The following RERE variants were observed in gnomAD, a reference collection of about 807,000 sequenced individuals.
RERE encodes arginine-glutamic acid dipeptide repeats protein.
RERE carries 40 observed loss-of-function variants against 146.1 expected under a neutral mutation model. The ratio of observed to expected loss-of-function variants is 0.27; its 90% CI spans 0.21 to 0.36. RERE has a LOEUF of 0.36. RERE is among the 10% of genes least tolerant of loss of function. The pLI, the probability that RERE is intolerant of heterozygous loss-of-function variation, is 1.00. For synonymous variants in RERE, 1,003 were observed against 866.0 expected, an observed-to-expected ratio of 1.16 and a Z score of -2.78; for missense variants, 1,933 against 2,138.7, an observed-to-expected ratio of 0.90 and a Z score of 1.90.
At chr1:8,510,532 G>C (rs1219987582) in intron 7 of RERE, among the ~76,000 whole-genome samples, 1 of 152,194 alleles carries the variant, frequency 6.6e-6, no homozygotes, top group African/African-American at 2.4e-5. Flanking sequence ...GGAAGAAGCT[G>C]TTTTAGGAGG....
intron 1 of RERE, among the ~76,000 whole-genome samples, chr1:8,813,862 G>C (rs997667301): frequency 6.6e-6 from 1 of 152,070 alleles, no homozygotes; most frequent in Non-Finnish European, 1.5e-5. Flanking sequence ...TGGTCCACTC[G>C]CCTTGGCCTC....
intron 1 of RERE, among the ~76,000 whole-genome samples, chr1:8,703,435 C>A (rs1476715180): frequency 6.6e-6 from 1 of 151,784 alleles, no homozygotes; most frequent in African/African-American, 2.4e-5. Flanking sequence ...AGAGCAGACT[C>A]CCCGCGACGG....
intron 12 of RERE, among the ~76,000 whole-genome samples, chr1:8,370,392 T>C (rs1409934712): frequency 1.3e-5 from 2 of 152,218 alleles, no homozygotes; most frequent in African/African-American, 2.4e-5. Context: ...GAAAATGCTC[T>C]GTAAGTTGAA....
intron 2 of RERE, among the ~76,000 whole-genome samples, chr1:8,625,703 G>T (rs1007052365): frequency 6.6e-6 from 1 of 152,134 alleles, no homozygotes. Flanking sequence ...TTCCTCTATT[G>T]TCTCATTTGT....
chr1:8,762,107 C>T (rs1299907340), intron 1 of RERE, among the ~76,000 whole-genome samples: 1 of 152,100 alleles, frequency 6.6e-6, no homozygotes, highest in Admixed American at 6.5e-5. Context: ...AGATTCAGAC[C>T]AAATGCCTCC....
rs145670197 is a variant in RERE, at chr1:8,520,754, T to TAA, written c.831-12081_831-12080dup. 4.0e-3 allele frequency among the ~76,000 whole-genome samples: 368 copies of TAA among 92,980 alleles called. 2 individuals carry two copies. Among genetic ancestry groups the TAA allele is most frequent in the African/African-American group, 0.014 (344 of 24,216 alleles). 61.0% of individuals were successfully genotyped at this position (92,980 alleles called of 152,430 possible). ...ATGGAGATTCAGCCAAAAAACTTTT[T>TAA]AAAAAAAAAAAAAAAAAAAAAACCA... is the stretch of plus-strand genomic sequence containing the variant. On this transcript the variant is annotated intron_variant, in intron 7 of 22. Transcript: ENST00000400908.
intron 1 of RERE, among the ~76,000 whole-genome samples, chr1:8,741,799 A>C (rs921641240): frequency 2.6e-5 from 4 of 152,238 alleles, no homozygotes; most frequent in Non-Finnish European, 4.4e-5. Context: ...TATGAAGCAA[A>C]TAACAACTTA....
At chr1:8,641,858 C>T (rs943830186) in intron 2 of RERE, among the ~76,000 whole-genome samples, 1 of 152,164 alleles carries the variant, frequency 6.6e-6, no homozygotes, top group African/African-American at 2.4e-5. Context: ...CAGGAGCCAT[C>T]CCCTTTTGGA....
chr1:8,698,159 C>T (rs1438165283), intron 1 of RERE, among the ~76,000 whole-genome samples: 1 of 152,078 alleles, frequency 6.6e-6, no homozygotes, highest in African/African-American at 2.4e-5. Flanking sequence ...TGATACAGAT[C>T]GGCAGAATTT....
chr1:8,503,218 C>G (rs1645205263), intron 8 of RERE, among the ~76,000 whole-genome samples: 1 of 152,036 alleles, frequency 6.6e-6, no homozygotes, highest in Non-Finnish European at 1.5e-5. Flanking sequence ...TGACATAAAG[C>G]CAAATGTTTG....
intron 8 of RERE, among the ~76,000 whole-genome samples, chr1:8,500,362 G>A (rs930249463): frequency 6.6e-6 from 1 of 152,238 alleles, no homozygotes; most frequent in Admixed American, 6.5e-5. Context: ...AAAAAGAAAC[G>A]AAAATGCCTC....
chr1:8,549,100 C>T (rs150879647), intron 6 of RERE, among the ~76,000 whole-genome samples: 202 of 152,294 alleles, frequency 1.3e-3, no homozygotes, highest in Non-Finnish European at 2.5e-3. Flanking sequence ...CACATCCTAG[C>T]TCTGCCTGCT....
At chr1:8,558,444 C>T (rs1646033097) in intron 4 of RERE, among the ~76,000 whole-genome samples, 1 of 152,194 alleles carries the variant, frequency 6.6e-6, no homozygotes, top group African/African-American at 2.4e-5. Flanking sequence ...GCGGCCTTAA[C>T]AGGCTTCTCC....
At chr1:8,702,951 T>C (rs1020095182) in intron 1 of RERE, 8 of 152,136 alleles carry the variant, frequency 5.3e-5, no homozygotes, top group African/African-American at 1.9e-4. Context: ...TAGGGTCGGC[T>C]GGAACACTCC....
At chr1:8,738,661 G>A (rs935909296) in intron 1 of RERE, among the ~76,000 whole-genome samples, 2 of 152,164 alleles carry the variant, frequency 1.3e-5, no homozygotes, top group South Asian at 4.1e-4. Flanking sequence ...GGACTTACGT[G>A]CCAGACACTA....
At chr1:8,414,726 A>T (rs967192306) in intron 12 of RERE, among the ~76,000 whole-genome samples, 3 of 152,196 alleles carry the variant, frequency 2.0e-5, no homozygotes, top group Middle Eastern at 3.2e-3. Flanking sequence ...AAACTTAATT[A>T]AAAAATTCAA....
At chr1:8,647,990 T>C (rs948323716) in intron 2 of RERE, among the ~76,000 whole-genome samples, 12 of 152,166 alleles carry the variant, frequency 7.9e-5, no homozygotes. Context: ...GTAATACATA[T>C]ACAGAGAAGT....
chr1:8,502,756 T>G (rs867425161), intron 8 of RERE, among the ~76,000 whole-genome samples: 74 of 148,914 alleles, frequency 5.0e-4, no homozygotes, highest in Non-Finnish European at 9.5e-4. Flanking sequence ...AAAATTCTTC[T>G]GCCTTGGGAT....
chr1:8,537,304 C>T (rs1645738428), intron 7 of RERE, among the ~76,000 whole-genome samples: 1 of 152,096 alleles, frequency 6.6e-6, no homozygotes, highest in Non-Finnish European at 1.5e-5. Flanking sequence ...AGAGGTTTAC[C>T]AGAATTCAGA....
Sources: allele counts gnomAD v4.1 joint callset (sites outside exome capture counted in the v4.1 genomes callset), GRCh38; gene constraint gnomAD v4.1.1; transcripts MANE v1.5; gene names NCBI Gene and HGNC (gene_info 2026-07-23, HGNC 2026-07-21).